The following NUBPL variants were observed in gnomAD, a reference collection of about 807,000 sequenced individuals.
The protein encoded by NUBPL is iron-sulfur cluster transfer protein NUBPL.
NUBPL carries 31 observed loss-of-function variants against 45.7 expected under a neutral mutation model. The ratio of observed to expected loss-of-function variants is 0.68; its 90% CI spans 0.51 to 0.92. The LOEUF (loss-of-function observed/expected upper bound fraction) is 0.92. Ranked by LOEUF, NUBPL falls within the 40% of genes least tolerant of loss-of-function variation. The probability of loss-of-function intolerance (pLI) is 0.00; values close to 1 mark genes in which losing one functional copy is unlikely to be tolerated. For synonymous variants in NUBPL, 144 were observed against 140.9 expected (o/e 1.02, Z -0.15); for missense variants, 401 against 398.7 (o/e 1.01, Z -0.05).
intron 10 of NUBPL, among the ~76,000 whole-genome samples, chr14:31,852,312 A>G (rs2040549840): frequency 6.6e-6 from 1 of 152,238 alleles, no homozygotes; most frequent in African/African-American, 2.4e-5. Context: ...TCCCTTTGCT[A>G]AAGAGCTGAG....
intron 6 of NUBPL, among the ~76,000 whole-genome samples, chr14:31,699,689 A>T (rs1208568575): frequency 6.6e-6 from 1 of 152,234 alleles, no homozygotes; most frequent in African/African-American, 2.4e-5. Context: ...GTTCTCATTC[A>T]GCTACAAGTT....
rs1014033552 is a variant in NUBPL, at chr14:31,637,708, T to C, written c.383-35647T>C. Among the ~76,000 whole-genome samples the C allele has an allele frequency of 1.2e-4, 18 of 152,320 alleles. No individual in the cohort carries two copies. In the South Asian group the frequency reaches 1.4e-3, roughly 12 times the overall value. ...GTGGGAAGTTAGAGTCTCCCATTAT[T>C]ATTGTGTGGGAGTCTAAGTCTCTTT... is the stretch of plus-strand genomic sequence containing the variant. On this transcript the variant is annotated intron_variant, in intron 4 of 10. Coordinates refer to ENST00000281081, the MANE Select transcript of NUBPL (RefSeq NM_025152.3).
At position 31,673,536 on chromosome 14, in the gene NUBPL, C is replaced by A; in HGVS notation, c.475C>A (p.Leu159Ile). ...AAGTGAACCAGTAGTTTGGAGAGGCCTTATGGTAATGTCGGCCATTGAGAA... is the reference window on the plus strand; with the variant it reads ...AAGTGAACCAGTAGTTTGGAGAGGCATTATGGTAATGTCGGCCATTGAGAA... ...EESEPVVWRGLMVMSAIEKLL... is the reference protein window; with the variant it reads ...EESEPVVWRGIMVMSAIEKLL... Residue 159 changes from leucine to isoleucine, a missense_variant, in exon 6 of 11, where the codon CTT (leucine) becomes ATT (isoleucine). Physicochemically the swap from Leu to Ile is conservative, Grantham distance 5 (BLOSUM62 2). Coordinates refer to ENST00000281081, the MANE Select transcript of NUBPL (RefSeq NM_025152.3). 1 of 1,613,784 alleles carries A rather than the reference C, an allele frequency of 6.2e-7. No individual in the cohort carries two copies. The highest frequency in any genetic ancestry group is 8.5e-7 in the Non-Finnish European group (1 of 1,179,888).
chr14:31,848,231 G>A (rs995553318), intron 9 of NUBPL, among the ~76,000 whole-genome samples: 15 of 152,176 alleles, frequency 9.9e-5, no homozygotes, highest in Non-Finnish European at 1.5e-4. Flanking sequence ...AGAATTCCTC[G>A]TTAGGGCACG....
intron 6 of NUBPL, among the ~76,000 whole-genome samples, chr14:31,716,597 A>G (rs374125055): frequency 6.6e-6 from 1 of 152,196 alleles, no homozygotes; most frequent in Non-Finnish European, 1.5e-5. Context: ...CATAACTGTA[A>G]TTAGTAAATG....
chr14:31,697,658 G>C (rs2037242921), intron 6 of NUBPL, among the ~76,000 whole-genome samples: 1 of 152,150 alleles, frequency 6.6e-6, no homozygotes, highest in Non-Finnish European at 1.5e-5. Context: ...CTTCATCTCT[G>C]ACCAGCAGAG....
intron 4 of NUBPL, among the ~76,000 whole-genome samples, chr14:31,653,252 C>T (rs1295876458): frequency 2.0e-5 from 3 of 152,162 alleles, no homozygotes; most frequent in Admixed American, 6.5e-5. Context: ...GCTTTGAGAG[C>T]AGAGAACTGT....
chr14:31,721,794 G>T (rs1321843038), intron 6 of NUBPL, among the ~76,000 whole-genome samples: 1 of 151,892 alleles, frequency 6.6e-6, no homozygotes, highest in African/African-American at 2.4e-5. Context: ...AGACCCCAGT[G>T]TCTGTTGTTC....
intron 7 of NUBPL, among the ~76,000 whole-genome samples, chr14:31,805,858 A>G (rs1452231605): frequency 6.6e-6 from 1 of 152,104 alleles, no homozygotes; most frequent in Non-Finnish European, 1.5e-5. Flanking sequence ...CCCCCATGAC[A>G]CAGGTTTACC....
At chr14:31,770,447 T>G (rs1268736169) in intron 6 of NUBPL, among the ~76,000 whole-genome samples, 4 of 152,288 alleles carry the variant, frequency 2.6e-5, no homozygotes, top group Non-Finnish European at 4.4e-5. Flanking sequence ...TTGGTCTGAG[T>G]GAAGTCATCT....
chr14:31,726,984 G>A (rs1283243128), intron 6 of NUBPL, among the ~76,000 whole-genome samples: 1 of 152,056 alleles, frequency 6.6e-6, no homozygotes, highest in Non-Finnish European at 1.5e-5. Context: ...AACAGTCATA[G>A]CAATAAAAAA....
chr14:31,678,624 T>G (rs1483386274), intron 6 of NUBPL, among the ~76,000 whole-genome samples: 1 of 152,228 alleles, frequency 6.6e-6, no homozygotes, highest in Non-Finnish European at 1.5e-5. Context: ...AGGTCTGCTC[T>G]GTGCCCTGTC....
At chr14:31,827,035 T>C (rs1416752589) in intron 8 of NUBPL, among the ~76,000 whole-genome samples, 1 of 152,228 alleles carries the variant, frequency 6.6e-6, no homozygotes, top group East Asian at 1.9e-4. Flanking sequence ...TAGGCTTGAA[T>C]AGATCACTTA....
intron 4 of NUBPL, among the ~76,000 whole-genome samples, chr14:31,605,770 C>T (rs992586943): frequency 2.0e-5 from 3 of 150,450 alleles, no homozygotes; most frequent in African/African-American, 7.3e-5. Flanking sequence ...TTCTCCTTCT[C>T]CTTCTTCTTC....
At chr14:31,826,787 A>G (rs1468860294) in intron 8 of NUBPL, 73 bp downstream of exon 8, 4 of 1,396,564 alleles carry the variant, frequency 2.9e-6, no homozygotes, top group Non-Finnish European at 4.1e-6. Flanking sequence ...TGAAAAATAC[A>G]GTTGAAGTTT....
chr14:31,798,572 C>A (rs921492091), intron 7 of NUBPL, among the ~76,000 whole-genome samples: 8 of 151,232 alleles, frequency 5.3e-5, no homozygotes, highest in Non-Finnish European at 1.0e-4. Flanking sequence ...GCGGGTGGAT[C>A]ATGGGGTCGG....
intron 7 of NUBPL, among the ~76,000 whole-genome samples, chr14:31,817,216 C>T (rs548431477): frequency 1.1e-3 from 168 of 152,158 alleles, no homozygotes; most frequent in African/African-American, 3.8e-3. Context: ...CTGAAAGTGA[C>T]GGTGAGAATG....
At chr14:31,785,138 A>G (rs1273592173) in intron 6 of NUBPL, among the ~76,000 whole-genome samples, 1 of 152,208 alleles carries the variant, frequency 6.6e-6, no homozygotes, top group Non-Finnish European at 1.5e-5. Context: ...AAGAGATTCA[A>G]ATAAATTCTT....
At chr14:31,665,485 G>A (rs544322145) in intron 4 of NUBPL, among the ~76,000 whole-genome samples, 1 of 152,132 alleles carries the variant, frequency 6.6e-6, no homozygotes, top group African/African-American at 2.4e-5. Flanking sequence ...TATTTACCCA[G>A]TAGTAGTCAT....
Sources: allele counts gnomAD v4.1 joint callset (sites outside exome capture counted in the v4.1 genomes callset), GRCh38; gene constraint gnomAD v4.1.1; transcripts MANE v1.5; gene names NCBI Gene and HGNC (gene_info 2026-07-23, HGNC 2026-07-21).